KIF25: variants seen among roughly 807,000 people sequenced by gnomAD.
KIF25 encodes kinesin family member 25.
A neutral mutation model predicts 32.9 loss-of-function variants in KIF25; 19 were observed. The observed-to-expected ratio is 0.58, with a 90% CI of 0.40 to 0.85. The LOEUF (loss-of-function observed/expected upper bound fraction) is 0.85. Ranked by LOEUF, KIF25 falls within the 40% of genes least tolerant of loss-of-function variation. KIF25 has a pLI of 0.00. For missense variants in KIF25, 485 were observed against 507.0 expected (o/e 0.96, Z 0.42); for synonymous variants, 225 against 213.7 (o/e 1.05, Z -0.46).
chr6:168,022,190 C>T (rs1583134412), intron 5 of KIF25, among the ~76,000 whole-genome samples: 1 of 152,112 alleles, frequency 6.6e-6, no homozygotes, highest in Non-Finnish European at 1.5e-5. Context: ...TACCATTACC[C>T]GCTTTTGAGA....
At chr6:168,000,691 C>T (rs899885715) in intron 2 of KIF25, among the ~76,000 whole-genome samples, 1 of 152,080 alleles carries the variant, frequency 6.6e-6, no homozygotes, top group Non-Finnish European at 1.5e-5. Flanking sequence ...TGGCCCTCCC[C>T]ACTCCCATTG....
chr6:168,024,680 G>T (rs1436990945), intron 5 of KIF25, among the ~76,000 whole-genome samples: 1 of 152,092 alleles, frequency 6.6e-6, no homozygotes, highest in Admixed American at 6.5e-5. Flanking sequence ...TCGGGGCCGG[G>T]CACGGTGGCT....
At chr6:168,025,244 G>A (rs1798843795) in intron 5 of KIF25, among the ~76,000 whole-genome samples, 1 of 152,162 alleles carries the variant, frequency 6.6e-6, no homozygotes, top group Admixed American at 6.5e-5. Context: ...TGTGGCTGGG[G>A]AATGTCTCCT....
intron 12 of KIF25, among the ~76,000 whole-genome samples, chr6:168,044,013 C>T (rs1019016311): frequency 6.6e-6 from 1 of 152,176 alleles, no homozygotes; most frequent in African/African-American, 2.4e-5. Flanking sequence ...AAAGAACAGC[C>T]CCAGGGGGCT....
chr6:168,015,111 G>A (rs993096270), intron 4 of KIF25, among the ~76,000 whole-genome samples: 6 of 152,070 alleles, frequency 3.9e-5, no homozygotes, highest in African/African-American at 1.4e-4. Flanking sequence ...CTTTTTTAAC[G>A]TGGGTTCGCT....
At chr6:168,012,515 C>T (rs1858675) in intron 4 of KIF25, among the ~76,000 whole-genome samples, 51,389 of 151,962 alleles carry the variant, frequency 0.34, 9,039 homozygotes, top group South Asian at 0.42. Flanking sequence ...GGCTATATCT[C>T]GGGTTCGGGA....
At chr6:168,035,603 T>G (rs1799012221) in intron 8 of KIF25, 1 of 432,542 alleles carries the variant, frequency 2.3e-6, no homozygotes, top group Non-Finnish European at 4.7e-6. Context: ...GCCAGGCGGC[T>G]GCGCCTCTCC....
At chr6:168,030,689 T>A in intron 6 of KIF25, 84 bp from the exon 7 acceptor site, 1 of 969,834 alleles carries the variant, frequency 1.0e-6, no homozygotes, top group East Asian at 2.5e-5. Context: ...ACACGGGGCG[T>A]TGTGTTCCCA....
chr6:168,002,870 G>A (rs1001903324), intron 3 of KIF25, among the ~76,000 whole-genome samples: 1 of 152,186 alleles, frequency 6.6e-6, no homozygotes, highest in Non-Finnish European at 1.5e-5. Flanking sequence ...ACAGTGACAG[G>A]TCATCAGGCA....
chr6:168,026,624 A>C (rs1045836342), intron 5 of KIF25, among the ~76,000 whole-genome samples: 24 of 152,196 alleles, frequency 1.6e-4, no homozygotes, highest in African/African-American at 5.3e-4. Context: ...TTTAAAAATA[A>C]ATTTGTATGA....
rs1411265167 is a variant in KIF25 at position 168,038,724 on chromosome 6, C to T, written c.489C>T (p.Ala163=). 1 of 1,613,110 alleles carries T rather than the reference C, an allele frequency of 6.2e-7. No homozygotes were observed. Among genetic ancestry groups the T allele is most frequent in the Non-Finnish European group, 8.5e-7 (1 of 1,179,898 alleles). Residue 163 remains alanine (A), a synonymous_variant, in exon 9 of 13, where the codon GCC becomes GCT. Coordinates refer to ENST00000643607, the MANE Select transcript of KIF25 (RefSeq NM_030615.4). ...GACGGACAGAGGTTGCGCTGCTGGC[C>T]TCTGAGTGAGTACTGCACCTGCCCC... ...KDGRTEVALL[A]SEAVGSASKL... is the part of the protein sequence containing the mutation.
intron 4 of KIF25, among the ~76,000 whole-genome samples, chr6:168,004,656 G>C (rs1434479801): frequency 2.0e-5 from 3 of 152,150 alleles, no homozygotes; most frequent in African/African-American, 7.2e-5. Flanking sequence ...TGCTGGTCAG[G>C]GGTTGATGGG....
At chr6:168,013,174 GC>G (rs1036697535) in intron 4 of KIF25, among the ~76,000 whole-genome samples, 1 of 151,850 alleles carries the variant, frequency 6.6e-6, no homozygotes, top group African/African-American at 2.4e-5. Flanking sequence ...CCCTCCTCTG[GC>G]CTGGAGGTGT....
chr6:168,011,600 T>A (rs555220997), intron 4 of KIF25, among the ~76,000 whole-genome samples: 52 of 152,310 alleles, frequency 3.4e-4, no homozygotes, highest in African/African-American at 1.2e-3. Context: ...ACTTAATGCT[T>A]TTCTCTTGCT....
intron 5 of KIF25, among the ~76,000 whole-genome samples, chr6:168,028,489 G>C (rs1562387759): frequency 6.6e-6 from 1 of 152,212 alleles, no homozygotes; most frequent in African/African-American, 2.4e-5. Context: ...AGCTGTCATA[G>C]ATAGAGTCTC....
intron 2 of KIF25, among the ~76,000 whole-genome samples, chr6:168,000,945 T>G (rs886976857): frequency 6.6e-6 from 1 of 152,266 alleles, no homozygotes; most frequent in Non-Finnish European, 1.5e-5. Context: ...AGAAGGTCTT[T>G]AGAAAGCACT....
chr6:168,038,522 C>T, intron 8 of KIF25, 31 bp from the exon 9 acceptor site: 1 of 1,610,322 alleles, frequency 6.2e-7, no homozygotes, highest in Non-Finnish European at 8.5e-7. Context: ...GTGAGACTTT[C>T]TGTAAGTTTC....
chr6:168,043,512 C>T (rs2114917764), intron 12 of KIF25, among the ~76,000 whole-genome samples: 1 of 152,354 alleles, frequency 6.6e-6, no homozygotes, highest in African/African-American at 2.4e-5. Context: ...CTCCCTGTCT[C>T]TCATTGTGGG....
intron 4 of KIF25, among the ~76,000 whole-genome samples, chr6:168,017,691 C>T (rs57584792): frequency 0.025 from 3,863 of 152,194 alleles, 48 homozygotes; most frequent in Non-Finnish European, 0.029. Context: ...CCAGTAGATG[C>T]GACTTTCTTC....
Sources: allele counts gnomAD v4.1 joint callset (sites outside exome capture counted in the v4.1 genomes callset), GRCh38; gene constraint gnomAD v4.1.1; transcripts MANE v1.5; gene names NCBI Gene and HGNC (gene_info 2026-07-23, HGNC 2026-07-21).